The following SAMD12 variants were observed in gnomAD, a reference collection of about 807,000 sequenced individuals.
SAMD12 encodes the protein sterile alpha motif domain containing 12.
A neutral mutation model predicts 15.0 loss-of-function variants in SAMD12; 9 were observed. The ratio of observed to expected loss-of-function variants is 0.60; its 90% CI spans 0.36 to 1.05. The LOEUF (loss-of-function observed/expected upper bound fraction) is 1.05. SAMD12 is among the 50% of genes least tolerant of loss of function. The probability of loss-of-function intolerance (pLI) is 0.01; values close to 1 mark genes in which losing one functional copy is unlikely to be tolerated. For synonymous variants in SAMD12, 86 were observed against 90.1 expected (o/e 0.96, Z 0.25); for missense variants, 230 against 234.2 (o/e 0.98, Z 0.12).
chr8:118,599,538 T>C (rs1827805585), intron 1 of SAMD12, among the ~76,000 whole-genome samples: 1 of 152,072 alleles, frequency 6.6e-6, no homozygotes, highest in African/African-American at 2.4e-5. Context: ...GCTCGTGGGG[T>C]GCTCAGTAAA....
chr8:118,354,393 C>T (rs896390935), intron 4 of SAMD12, among the ~76,000 whole-genome samples: 3 of 152,160 alleles, frequency 2.0e-5, no homozygotes, highest in Admixed American at 6.5e-5. Flanking sequence ...CCGTAATTTT[C>T]ATAAACCATA....
At position 118,475,755 on chromosome 8, in the gene SAMD12, T is replaced by A. The variant is rs1219389394; in HGVS notation, c.193-35794A>T. 2.6e-5 allele frequency among the ~76,000 whole-genome samples: 4 copies of A among 152,200 alleles called. No homozygotes were observed. The East Asian group carries it at 7.7e-4, about 29-fold the overall frequency. On this transcript the variant is annotated intron_variant, in intron 2 of 3. Coordinates refer to ENST00000314727, the MANE Select transcript of SAMD12 (RefSeq NM_207506.3). ...ATAGGAAAGTATGGCTAGATTTGGT[T>A]ATAGAAGCCTTTTGGGAAAATCTTG...
chr8:118,461,734 T>C (rs1823429178), intron 2 of SAMD12, among the ~76,000 whole-genome samples: 1 of 152,222 alleles, frequency 6.6e-6, no homozygotes, highest in Non-Finnish European at 1.5e-5. Context: ...TGTTCACTAG[T>C]AAACAGAAAC....
intron 4 of SAMD12, among the ~76,000 whole-genome samples, chr8:118,204,441 C>G (rs948178930): frequency 6.6e-6 from 1 of 151,962 alleles, no homozygotes; most frequent in Non-Finnish European, 1.5e-5. Flanking sequence ...ACCCTCTGAC[C>G]GCATGAAGAT....
intron 2 of SAMD12, among the ~76,000 whole-genome samples, chr8:118,502,995 A>G (rs1824827780): frequency 6.6e-6 from 1 of 152,226 alleles, no homozygotes; most frequent in Non-Finnish European, 1.5e-5. Flanking sequence ...GACAAGCACT[A>G]TAAATAACCA....
chr8:118,316,694 A>T (rs894982970), intron 4 of SAMD12, among the ~76,000 whole-genome samples: 1 of 152,066 alleles, frequency 6.6e-6, no homozygotes, highest in African/African-American at 2.4e-5. Flanking sequence ...GGGAGACTCT[A>T]CTAAAGCTGA....
rs1824497212 is a variant in SAMD12, at chr8:118,493,085, G to C, written c.193-53124C>G. 2.6e-5 allele frequency among the ~76,000 whole-genome samples: 4 copies of C among 152,144 alleles called. 1 individual carries two copies. The South Asian group carries it at 8.3e-4, about 32-fold the overall frequency. ...GCCTAAAACCAGTGATTTGTTAGAA[G>C]TCAATACAATTAATGTTGTACTTGC... On this transcript the variant is annotated intron_variant, in intron 2 of 3. Coordinates refer to ENST00000314727, the MANE Select transcript of SAMD12 (RefSeq NM_207506.3).
the SAMD12 span, among the ~76,000 whole-genome samples, chr8:118,171,753 C>A: frequency 8.8e-5 from 12 of 136,978 alleles, no homozygotes; most frequent in African/African-American, 3.0e-4. Flanking sequence ...TTTTTTGGGT[C>A]AGGTCATGAA....
At chr8:118,570,610 T>G (rs1826982332) in intron 2 of SAMD12, among the ~76,000 whole-genome samples, 2 of 152,350 alleles carry the variant, frequency 1.3e-5, no homozygotes, top group Non-Finnish European at 2.9e-5. Context: ...AGTCTACCAT[T>G]GATGGGAATT....
At chr8:118,417,962 C>T (rs1240302448) in intron 3 of SAMD12, among the ~76,000 whole-genome samples, 1 of 152,188 alleles carries the variant, frequency 6.6e-6, no homozygotes, top group Non-Finnish European at 1.5e-5. Context: ...AGCCCCATTT[C>T]AGATGTATGA....
chr8:118,219,080 C>G (rs1301080373), intron 4 of SAMD12, among the ~76,000 whole-genome samples: 1 of 152,202 alleles, frequency 6.6e-6, no homozygotes, highest in East Asian at 1.9e-4. Flanking sequence ...TCCGCTGCCC[C>G]CAACATCCTT....
chr8:118,381,771 C>T (rs1169570660), intron 3 of SAMD12, among the ~76,000 whole-genome samples: 1 of 152,134 alleles, frequency 6.6e-6, no homozygotes, highest in Non-Finnish European at 1.5e-5. Context: ...GACTTCTGAC[C>T]CCGATAAGTG....
chr8:118,614,180 GAAAC>G (rs1048164042), intron 1 of SAMD12, among the ~76,000 whole-genome samples: 1 of 152,180 alleles, frequency 6.6e-6, no homozygotes, highest in African/African-American at 2.4e-5. Context: ...AAGACAAGGT[GAAAC>G]AGACAGCATC....
At chr8:118,444,643 A>T (rs16891041) in intron 2 of SAMD12, among the ~76,000 whole-genome samples, 3,686 of 152,174 alleles carry the variant, frequency 0.024, 135 homozygotes, top group African/African-American at 0.084. Flanking sequence ...AAGAACTCTG[A>T]AGCATTCAGT....
rs141639341 is a variant in SAMD12, at chr8:118,464,406, G to A, written c.193-24445C>T. ...AGAGAACACTTCAGAGAAAAGATGG[G>A]TCCAGGAAAAGCGTATTATAGGTTG... On this transcript the variant is annotated intron_variant, in intron 2 of 3. Coordinates refer to ENST00000314727, the MANE Select transcript of SAMD12 (RefSeq NM_207506.3). Among the ~76,000 whole-genome samples, 236 of 152,258 alleles carry A rather than the reference G, an allele frequency of 1.5e-3. 2 individuals are homozygous for A. The highest frequency in any genetic ancestry group is 5.3e-3 in the African/African-American group (220 of 41,550).
At chr8:118,351,407 T>A (rs1188726272) in intron 4 of SAMD12, among the ~76,000 whole-genome samples, 2 of 152,154 alleles carry the variant, frequency 1.3e-5, no homozygotes, top group Non-Finnish European at 2.9e-5. Flanking sequence ...CCTTCTCCTT[T>A]TATTTTACTG....
Position 118,500,142 on chromosome 8 carries a change from G to C in SAMD12, c.193-60181C>G, listed in dbSNP as rs555798474. Among the ~76,000 whole-genome samples the C allele has an allele frequency of 2.9e-5, 4 of 139,706 alleles. No individual in the cohort carries two copies. The East Asian group carries it at 8.4e-4, about 29-fold the overall frequency. 91.7% of individuals were successfully genotyped at this position (139,706 alleles called of 152,430 possible). A position where few individuals can be genotyped will look rare whatever the true frequency, so the allele number is the denominator to read the frequency against. ...TGCCCAGGCTGGAGGGCAATGGCGC[G>C]ATCTTGGCTCACTGCAACCTCTGCC... On this transcript the variant is annotated intron_variant, in intron 2 of 3. Transcript: ENST00000314727.
chr8:118,254,307 G>A (rs940197251), intron 4 of SAMD12, among the ~76,000 whole-genome samples: 12 of 152,156 alleles, frequency 7.9e-5, no homozygotes, highest in Non-Finnish European at 1.8e-4. Flanking sequence ...TGACAGGAGG[G>A]TGAAGAACAG....
intron 1 of SAMD12, among the ~76,000 whole-genome samples, chr8:118,611,616 G>T (rs1828113311): frequency 6.6e-6 from 1 of 152,166 alleles, no homozygotes; most frequent in Non-Finnish European, 1.5e-5. Flanking sequence ...TGGGAGCCTT[G>T]TTAATAATCA....
Sources: gnomAD v4.1 joint callset for allele counts (sites outside exome capture counted in the v4.1 genomes callset) on GRCh38, gnomAD v4.1.1 for gene constraint, MANE v1.5 for transcripts, NCBI Gene and HGNC (gene_info 2026-07-23, HGNC 2026-07-21) for gene names.